Variants in PDZD8 observed in about 807,000 individuals in gnomAD.
PDZD8 encodes PDZ domain-containing protein 8.
PDZD8 carries 14 observed loss-of-function variants against 85.8 expected under a neutral mutation model. The ratio of observed to expected loss-of-function variants is 0.16; its 90% CI spans 0.11 to 0.26. The LOEUF is 0.26. Ranked by LOEUF, PDZD8 falls within the 10% of genes least tolerant of loss-of-function variation. The pLI, the probability that PDZD8 is intolerant of heterozygous loss-of-function variation, is 1.00. For synonymous variants in PDZD8, 592 were observed against 568.6 expected, an observed-to-expected ratio of 1.04 and a Z score of -0.59; for missense variants, 1,197 against 1,424.3, an observed-to-expected ratio of 0.84 and a Z score of 2.57.
At chr10:117,360,866 A>T (rs556067741) in intron 1 of PDZD8, among the ~76,000 whole-genome samples, 3 of 152,260 alleles carry the variant, frequency 2.0e-5, no homozygotes, top group African/African-American at 7.2e-5. Context: ...TCAGACTAGC[A>T]GTTCTTATAC....
chr10:117,374,303 C>G lies in PDZD8; in HGVS notation c.872+53G>C. 4 of 1,591,080 alleles carry G rather than the reference C, an allele frequency of 2.5e-6. No individual in the cohort carries two copies. The highest frequency in any genetic ancestry group is 2.6e-6 in the Non-Finnish European group (3 of 1,167,758). ...GCCCTTCCCAATCCACGCAGCGTCC[C>G]GCCCAGGCCCGGGTTCCCGGCAGCC... On this transcript the variant is annotated intron_variant, in intron 1 of 4. Coordinates refer to ENST00000334464, the MANE Select transcript of PDZD8 (RefSeq NM_173791.5). This position sits in a 1 kb window ranked among gnomAD's most constrained non-coding sequence, Gnocchi z 7.8.
At chr10:117,314,798 G>C (rs1844095242) in intron 3 of PDZD8, among the ~76,000 whole-genome samples, 1 of 152,098 alleles carries the variant, frequency 6.6e-6, no homozygotes, top group Non-Finnish European at 1.5e-5. Flanking sequence ...TTTCCTTTCT[G>C]ATAGTGACAT....
chr10:117,322,508 A>G (rs1844242796), intron 2 of PDZD8, among the ~76,000 whole-genome samples: 1 of 152,198 alleles, frequency 6.6e-6, no homozygotes, highest in African/African-American at 2.4e-5. Flanking sequence ...GTCACTGGCA[A>G]GAGCTGCAGT....
intron 2 of PDZD8, among the ~76,000 whole-genome samples, chr10:117,331,271 T>G (rs960405274): frequency 7.2e-5 from 11 of 152,182 alleles, no homozygotes; most frequent in African/African-American, 2.7e-4. Context: ...CAGCTAACAT[T>G]TACTGTAAGG....
intron 1 of PDZD8, among the ~76,000 whole-genome samples, chr10:117,353,499 A>T (rs1249093553): frequency 1.3e-5 from 2 of 148,156 alleles, no homozygotes; most frequent in Admixed American, 1.3e-4. Context: ...TATTATAAGG[A>T]ACACTATGAA....
intron 1 of PDZD8, among the ~76,000 whole-genome samples, chr10:117,371,687 C>A (rs1457420067): frequency 6.6e-6 from 1 of 152,212 alleles, no homozygotes; most frequent in Non-Finnish European, 1.5e-5. Flanking sequence ...GTAATCCCAG[C>A]ACTTTGGGAG....
chr10:117,342,380 CCACA>C (rs1341629613), intron 1 of PDZD8, among the ~76,000 whole-genome samples: 2 of 113,270 alleles, frequency 1.8e-5, no homozygotes, highest in Admixed American at 9.6e-5. Flanking sequence ...TTCTTACTGA[CCACA>C]CAAACAGATA....
At chr10:117,293,259 T>C (rs1349288748) in intron 3 of PDZD8, among the ~76,000 whole-genome samples, 4 of 152,036 alleles carry the variant, frequency 2.6e-5, no homozygotes, top group Admixed American at 2.0e-4. Context: ...TATAATTCTC[T>C]CCCATATGTA....
At chr10:117,359,678 T>A (rs770666818) in intron 1 of PDZD8, among the ~76,000 whole-genome samples, 9 of 152,054 alleles carry the variant, frequency 5.9e-5, no homozygotes, top group Non-Finnish European at 1.3e-4. Context: ...ACCACTACAC[T>A]CCAACCTGGG....
intron 1 of PDZD8, among the ~76,000 whole-genome samples, chr10:117,345,662 T>C (rs1336319370): frequency 4.9e-5 from 3 of 60,698 alleles, no homozygotes; most frequent in African/African-American, 1.3e-4. Context: ...AACAGAAAAG[T>C]ATGACCCATA....
chr10:117,357,492 G>A (rs1442830999), intron 1 of PDZD8, among the ~76,000 whole-genome samples: 3 of 151,566 alleles, frequency 2.0e-5, no homozygotes, highest in Non-Finnish European at 2.9e-5. Flanking sequence ...GGGGCCAGGC[G>A]CAGTGGCTCA....
chr10:117,357,583 T>G (rs967384463), intron 1 of PDZD8, among the ~76,000 whole-genome samples: 1 of 151,380 alleles, frequency 6.6e-6, no homozygotes, highest in Non-Finnish European at 1.5e-5. Flanking sequence ...CTGGCCAACA[T>G]GGTGAAACCC....
At position 117,284,480 on chromosome 10, in the gene PDZD8, G is replaced by A; in HGVS notation, c.2253C>T (p.Tyr751=). The A allele has an allele frequency of 1.2e-6, 2 of 1,614,106 alleles. No homozygotes were observed. The highest frequency in any genetic ancestry group is 1.7e-6 in the Non-Finnish European group (2 of 1,180,022). Residue 751 remains tyrosine (Y), a synonymous_variant, in exon 5 of 5, where the codon TAC becomes TAT. Coordinates refer to ENST00000334464, the MANE Select transcript of PDZD8 (RefSeq NM_173791.5). ...GGGCTTCCAGTCTCAATTTGGAAAG[G>A]TATTCCGTGTTTGATGTAGCTAGGC... ...LGCLATSNTE[Y]LSKLRLEAPS...
At chr10:117,299,461 T>G (rs190859539) in intron 3 of PDZD8, among the ~76,000 whole-genome samples, 42 of 152,288 alleles carry the variant, frequency 2.8e-4, no homozygotes, top group African/African-American at 7.5e-4. Flanking sequence ...TATTTGTAGG[T>G]TTTTCCATTC....
rs1030026509 is a variant in PDZD8, at chr10:117,282,890, A to G, written c.*378T>C. 1 of 165,382 alleles carries G rather than the reference A, an allele frequency of 6.0e-6. No homozygotes were observed. The highest frequency in any genetic ancestry group is 2.4e-5 in the African/African-American group (1 of 42,028). The allele number at this position is 165,382 out of a possible 1,614,324, so 10.2% of individuals were successfully genotyped here. ...ACCATGATGGAAATGAAAATATTTTAAGAATCTAGACAGTATTCTATTTAA... is the reference window on the plus strand; with the variant it reads ...ACCATGATGGAAATGAAAATATTTTGAGAATCTAGACAGTATTCTATTTAA... On this transcript the variant is annotated 3_prime_UTR_variant, in exon 5 of 5. Transcript: ENST00000334464.
chr10:117,323,966 G>A (rs1378153595), intron 2 of PDZD8, among the ~76,000 whole-genome samples: 2 of 151,920 alleles, frequency 1.3e-5, no homozygotes, highest in East Asian at 1.9e-4. Context: ...AGTAGCTCTC[G>A]CCCGTAATCC....
intron 1 of PDZD8, among the ~76,000 whole-genome samples, chr10:117,347,890 T>C (rs556717570): frequency 1.3e-5 from 2 of 152,124 alleles, no homozygotes; most frequent in Admixed American, 6.5e-5. Context: ...AAACCCAGAA[T>C]AGAGAAATTT....
At chr10:117,308,551 C>T (rs1333707546) in intron 3 of PDZD8, among the ~76,000 whole-genome samples, 1 of 152,058 alleles carries the variant, frequency 6.6e-6, no homozygotes, top group African/African-American at 2.4e-5. Flanking sequence ...TCCTGTAAGG[C>T]AGTTACTATT....
At chr10:117,331,690 A>G (rs1844423623) in intron 2 of PDZD8, among the ~76,000 whole-genome samples, 1 of 152,342 alleles carries the variant, frequency 6.6e-6, no homozygotes, top group Non-Finnish European at 1.5e-5. Flanking sequence ...TTTAAAAAAG[A>G]GCACTGGTAT....
Sources: allele counts gnomAD v4.1 joint callset (sites outside exome capture counted in the v4.1 genomes callset), GRCh38; gene constraint gnomAD v4.1.1; non-coding constraint Gnocchi (gnomAD v3.1); transcripts MANE v1.5; gene names NCBI Gene and HGNC (gene_info 2026-07-23, HGNC 2026-07-21).